CMTM7: variants seen among roughly 807,000 people sequenced by gnomAD.
The protein encoded by CMTM7 is CKLF like MARVEL transmembrane domain containing 7, also known as CKLF-like MARVEL transmembrane domain-containing protein 7.
In CMTM7, 7 loss-of-function variants were observed where a neutral mutation model predicts 19.3. The ratio of observed to expected loss-of-function variants is 0.36; its 90% CI spans 0.21 to 0.68. The LOEUF is 0.68. Among genes scored for constraint, CMTM7 ranks in the 30% least tolerant of loss-of-function variants. The pLI, the probability that CMTM7 is intolerant of heterozygous loss-of-function variation, is 0.60. For synonymous variants in CMTM7, 87 were observed against 99.3 expected (o/e 0.88, Z 0.74); for missense variants, 193 against 232.6 (o/e 0.83, Z 1.11).
At chr3:32,439,646 G>A (rs531331044) in intron 1 of CMTM7, among the ~76,000 whole-genome samples, 1 of 152,162 alleles carries the variant, frequency 6.6e-6, no homozygotes, top group Non-Finnish European at 1.5e-5. Context: ...TAGAGACAGG[G>A]TCTTGCTTGT....
chr3:32,416,382 T>C (rs1295340247), intron 1 of CMTM7, among the ~76,000 whole-genome samples: 4 of 100,264 alleles, frequency 4.0e-5, no homozygotes, highest in South Asian at 4.0e-4. Context: ...TTTTTTTTTT[T>C]TTTTTTTTTT....
intron 1 of CMTM7, among the ~76,000 whole-genome samples, chr3:32,392,480 C>T (rs1273086558): frequency 6.6e-6 from 1 of 152,276 alleles, no homozygotes; most frequent in Non-Finnish European, 1.5e-5. Context: ...GGAGCGAAAC[C>T]CGACCTCTTC....
intron 1 of CMTM7, among the ~76,000 whole-genome samples, chr3:32,420,148 T>G (rs971112405): frequency 6.6e-6 from 1 of 152,216 alleles, no homozygotes; most frequent in Non-Finnish European, 1.5e-5. Flanking sequence ...ATCTGAGCAG[T>G]CTAGTTCTCC....
intron 1 of CMTM7, among the ~76,000 whole-genome samples, chr3:32,398,700 G>A (rs1030681122): frequency 3.3e-5 from 5 of 151,652 alleles, no homozygotes; most frequent in East Asian, 1.9e-4. Flanking sequence ...AAGAAAGAGC[G>A]TTGGCCGGCG....
chr3:32,397,387 C>T (rs1695934441), intron 1 of CMTM7, among the ~76,000 whole-genome samples: 1 of 151,968 alleles, frequency 6.6e-6, no homozygotes, highest in Non-Finnish European at 1.5e-5. Context: ...ACTTTTTCTT[C>T]TTGAAGAACT....
At chr3:32,418,218 T>C (rs1018002304) in intron 1 of CMTM7, among the ~76,000 whole-genome samples, 2 of 152,250 alleles carry the variant, frequency 1.3e-5, no homozygotes, top group African/African-American at 4.8e-5. Context: ...TGGTGAAGTA[T>C]CTATTCACAT....
chr3:32,397,309 T>TTA (rs1553610161), intron 1 of CMTM7, among the ~76,000 whole-genome samples: 2 of 152,104 alleles, frequency 1.3e-5, no homozygotes, highest in African/African-American at 4.8e-5. Flanking sequence ...TATGTGATTA[T>TTA]TGATTTTAGC....
At chr3:32,433,913 C>T (rs575456066) in intron 1 of CMTM7, among the ~76,000 whole-genome samples, 24 of 152,072 alleles carry the variant, frequency 1.6e-4, no homozygotes, top group Non-Finnish European at 2.8e-4. Context: ...CCAGGCTGGG[C>T]GCAGTGGCTC....
At chr3:32,405,226 T>C (rs753900183) in intron 1 of CMTM7, among the ~76,000 whole-genome samples, 1 of 152,204 alleles carries the variant, frequency 6.6e-6, no homozygotes, top group Non-Finnish European at 1.5e-5. Context: ...CCGTGGAAAC[T>C]GTGAGAAGAT....
intron 1 of CMTM7, among the ~76,000 whole-genome samples, chr3:32,410,108 G>A (rs1005683410): frequency 6.6e-5 from 10 of 152,130 alleles, no homozygotes; most frequent in African/African-American, 2.2e-4. Flanking sequence ...GCCTTAGGAG[G>A]GCCTTCGTCA....
intron 1 of CMTM7, among the ~76,000 whole-genome samples, chr3:32,439,463 A>T (rs545459845): frequency 1.3e-5 from 2 of 152,176 alleles, no homozygotes; most frequent in East Asian, 3.9e-4. Flanking sequence ...TTTGATTTTT[A>T]TTTTTTTAGA....
At chr3:32,392,985 T>C (rs1166472543) in intron 1 of CMTM7, among the ~76,000 whole-genome samples, 3 of 152,066 alleles carry the variant, frequency 2.0e-5, no homozygotes, top group Non-Finnish European at 4.4e-5. Flanking sequence ...TGTTTGTGAG[T>C]CTCCACCATT....
chr3:32,424,627 T>C (rs919520253), intron 1 of CMTM7, among the ~76,000 whole-genome samples: 46 of 122,786 alleles, frequency 3.7e-4, no homozygotes, highest in African/African-American at 1.2e-3. Flanking sequence ...CACTGAGCCC[T>C]TGGGGAAAGG....
intron 1 of CMTM7, among the ~76,000 whole-genome samples, chr3:32,419,104 T>C (rs1025603564): frequency 6.6e-6 from 1 of 152,234 alleles, no homozygotes; most frequent in Non-Finnish European, 1.5e-5. Context: ...ATTGTAAAGT[T>C]AGATTTATAC....
At position 32,404,138 on chromosome 3, in the gene CMTM7, CTTTCTTTTTT is replaced by C. The variant is rs1216182010; in HGVS notation, c.159+12097_159+12106del. ...TTTCCCTTTGTTTAATCTTTTCTTT[CTTTCTTTTTT>C]TTTCTTTTTTTTTCTTTTTTTTTTT... On this transcript the variant is annotated intron_variant, in intron 1 of 4. Coordinates refer to ENST00000334983, the MANE Select transcript of CMTM7 (RefSeq NM_138410.4). 1.0e-3 allele frequency among the ~76,000 whole-genome samples: 98 copies of C among 94,764 alleles called. 1 individual carries two copies. Among genetic ancestry groups the C allele is most frequent in the Middle Eastern group, 9.2e-3 (2 of 218 alleles). 62.2% of individuals were successfully genotyped at this position (94,764 alleles called of 152,430 possible).
chr3:32,449,613 C>A lies in CMTM7; in HGVS notation c.432+61C>A. 1 of 1,300,320 alleles carries A rather than the reference C, an allele frequency of 7.7e-7. No homozygotes were observed. The highest frequency in any genetic ancestry group is 1.1e-6 in the Non-Finnish European group (1 of 893,896). 80.5% of individuals were successfully genotyped at this position (1,300,320 alleles called of 1,614,324 possible). A position where few individuals can be genotyped will look rare whatever the true frequency, so the allele number is the denominator to read the frequency against. On this transcript the variant is annotated intron_variant, in intron 3 of 4. Coordinates refer to ENST00000334983, the MANE Select transcript of CMTM7 (RefSeq NM_138410.4). The surrounding 1 kb of genome is among the most constrained non-coding windows in gnomAD (Gnocchi z 4.5). ...CTTATTTAAAATGCTCATTTTCTTC[C>A]TGATGGGGGAAGAGAAGGGCTTGGT...
At chr3:32,450,254 A>G (rs2125644076) in intron 3 of CMTM7, among the ~76,000 whole-genome samples, 1 of 152,250 alleles carries the variant, frequency 6.6e-6, no homozygotes, top group African/African-American at 2.4e-5. Context: ...AGCAGACAAG[A>G]TTTTAAAAAT....
At chr3:32,437,381 G>A (rs1696612576) in intron 1 of CMTM7, among the ~76,000 whole-genome samples, 1 of 152,120 alleles carries the variant, frequency 6.6e-6, no homozygotes, top group African/African-American at 2.4e-5. Context: ...TGGATCACTT[G>A]AGGTCAGGAG....
chr3:32,393,772 CAAAAA>C, intron 1 of CMTM7, among the ~76,000 whole-genome samples: 1 of 92,434 alleles, frequency 1.1e-5, no homozygotes, highest in Middle Eastern at 6.3e-3. Context: ...AGGCCTGTCT[CAAAAA>C]AAAAAAAAAA....
Sources: allele counts gnomAD v4.1 joint callset (sites outside exome capture counted in the v4.1 genomes callset), GRCh38; gene constraint gnomAD v4.1.1; non-coding constraint Gnocchi (gnomAD v3.1); transcripts MANE v1.5; gene names NCBI Gene and HGNC (gene_info 2026-07-23, HGNC 2026-07-21).